MYO3B: variants seen among roughly 807,000 people sequenced by gnomAD.
MYO3B encodes myosin-IIIb.
MYO3B carries 156 observed loss-of-function variants against 174.6 expected under a neutral mutation model. The ratio of observed to expected loss-of-function variants is 0.89; its 90% CI spans 0.78 to 1.02. MYO3B has a LOEUF of 1.02. MYO3B is among the 50% of genes least tolerant of loss of function. The pLI is 0.00. For synonymous variants in MYO3B, 563 were observed against 569.1 expected (o/e 0.99, Z 0.15); for missense variants, 1,632 against 1,639.4 (o/e 1.00, Z 0.08).
At chr2:170,248,623 G>T (rs1341660507) in intron 7 of MYO3B, among the ~76,000 whole-genome samples, 1 of 152,136 alleles carries the variant, frequency 6.6e-6, no homozygotes, top group African/African-American at 2.4e-5. Context: ...TTCTTGACTT[G>T]TGGCTCCCTT....
intron 6 of MYO3B, among the ~76,000 whole-genome samples, chr2:170,221,966 C>T (rs186556883): frequency 2.6e-5 from 4 of 152,286 alleles, no homozygotes; most frequent in Admixed American, 2.0e-4. Context: ...AAAAATTTCA[C>T]ATGGAGACTA....
At chr2:170,637,756 A>C (rs193165602) in intron 32 of MYO3B, among the ~76,000 whole-genome samples, 201 of 152,318 alleles carry the variant, frequency 1.3e-3, no homozygotes, top group African/African-American at 4.5e-3. Flanking sequence ...GTGCTGCCCT[A>C]CTTGTACAAA....
At chr2:170,575,256 C>T (rs185689415) in intron 32 of MYO3B, among the ~76,000 whole-genome samples, 3 of 152,046 alleles carry the variant, frequency 2.0e-5, no homozygotes, top group African/African-American at 4.8e-5. Context: ...GGAAAGAAGT[C>T]GAAAATAAAG....
intron 7 of MYO3B, among the ~76,000 whole-genome samples, chr2:170,308,874 C>T (rs542180533): frequency 6.6e-6 from 1 of 151,996 alleles, no homozygotes; most frequent in Admixed American, 6.5e-5. Context: ...AGTCAGAGGC[C>T]AAGCAGAAAA....
chr2:170,264,783 G>A (rs1438926471), intron 7 of MYO3B, among the ~76,000 whole-genome samples: 1 of 152,174 alleles, frequency 6.6e-6, no homozygotes, highest in Non-Finnish European at 1.5e-5. Context: ...ATATTTGTTG[G>A]ATTTGACATT....
At chr2:170,650,570 G>A (rs1270421985) in intron 32 of MYO3B, among the ~76,000 whole-genome samples, 1 of 151,190 alleles carries the variant, frequency 6.6e-6, no homozygotes, top group Non-Finnish European at 1.5e-5. Flanking sequence ...GTCTGTGTGT[G>A]TGTTGCCAAG....
chr2:170,217,936 A>T (rs1357004611), intron 6 of MYO3B, among the ~76,000 whole-genome samples: 1 of 152,250 alleles, frequency 6.6e-6, no homozygotes, highest in East Asian at 1.9e-4. Flanking sequence ...TGACGCATGT[A>T]GAAGTTTGGG....
chr2:170,606,508 T>C (rs1694817388), intron 32 of MYO3B, among the ~76,000 whole-genome samples: 1 of 152,200 alleles, frequency 6.6e-6, no homozygotes, highest in Admixed American at 6.5e-5. Flanking sequence ...AACAATCTAT[T>C]CATTTCCTAG....
At chr2:170,578,202 A>T (rs1261361067) in intron 32 of MYO3B, among the ~76,000 whole-genome samples, 2 of 152,246 alleles carry the variant, frequency 1.3e-5, no homozygotes, top group East Asian at 3.8e-4. Context: ...GCCTGAGAAC[A>T]AGTGGGTTCT....
At position 170,301,800 on chromosome 2, in the gene MYO3B, G is replaced by A. The variant is rs990523771; in HGVS notation, c.750-33585G>A. 6.0e-5 allele frequency among the ~76,000 whole-genome samples: 9 copies of A among 149,588 alleles called. No individual in the cohort carries two copies. In the East Asian group the frequency reaches 1.8e-3, roughly 30 times the overall value. ...CCAGTATTTCATGGCCTTTTTTTGT[G>A]TAACAGTATGTGCAAGGTGAGAAAG... On this transcript the variant is annotated intron_variant, in intron 7 of 34. Coordinates refer to ENST00000408978, the MANE Select transcript of MYO3B (RefSeq NM_138995.5).
intron 32 of MYO3B, among the ~76,000 whole-genome samples, chr2:170,629,369 CCT>C (rs1446425845): frequency 6.6e-6 from 1 of 152,148 alleles, no homozygotes; most frequent in Non-Finnish European, 1.5e-5. Flanking sequence ...TTAGATCTTC[CCT>C]GTTATTTTTC....
chr2:170,633,034 C>G (rs1241439625), intron 32 of MYO3B, among the ~76,000 whole-genome samples: 2 of 152,144 alleles, frequency 1.3e-5, no homozygotes, highest in Non-Finnish European at 2.9e-5. Flanking sequence ...CCGAATTCTA[C>G]CAGAGGTACA....
chr2:170,236,106 A>G lies in MYO3B; in HGVS notation c.719A>G (p.His240Arg), dbSNP rs1277690530. 3 of 1,614,162 alleles carry G rather than the reference A, an allele frequency of 1.9e-6. No individual in the cohort carries two copies. The highest frequency in any genetic ancestry group is 2.5e-6 in the Non-Finnish European group (3 of 1,180,028). Residue 240 changes from histidine (H) to arginine (R), a missense_variant, in exon 7 of 35, where the codon CAT becomes CGT. His to Arg is a conservative substitution (Grantham distance 29). Transcript: ENST00000408978. ...GDGDPPLFDMHPVKTLFKIPR... is the reference protein window; with the variant it reads ...GDGDPPLFDMRPVKTLFKIPR... ...GGAGACCCTCCCCTCTTTGACATGC[A>G]TCCTGTGAAAACACTCTTTAAGATT...
At chr2:170,482,905 G>A (rs1685788181) in intron 25 of MYO3B, among the ~76,000 whole-genome samples, 1 of 152,224 alleles carries the variant, frequency 6.6e-6, no homozygotes. Context: ...GTTCAAATTG[G>A]CATTGTGGGC....
rs139597315 is a variant in MYO3B, at chr2:170,575,875, C to T, written c.3733+31887C>T. ...GCAGGGACAGGTTTTGAACAGAAAA[C>T]CCCTTTCTCCCATTCGTATTGCCTC... On this transcript the variant is annotated intron_variant, in intron 32 of 34. Coordinates refer to ENST00000408978, the MANE Select transcript of MYO3B (RefSeq NM_138995.5). 6.6e-5 allele frequency among the ~76,000 whole-genome samples: 10 copies of T among 152,232 alleles called. No homozygotes were observed. In the East Asian group the frequency reaches 1.9e-3, roughly 29 times the overall value.
At chr2:170,608,485 T>A (rs1227694453) in intron 32 of MYO3B, among the ~76,000 whole-genome samples, 2 of 152,214 alleles carry the variant, frequency 1.3e-5, no homozygotes, top group African/African-American at 4.8e-5. Context: ...TTCCCATTAA[T>A]GATAAACAGC....
Position 170,410,247 on chromosome 2 carries a change from A to G in MYO3B, c.2650+2403A>G, listed in dbSNP as rs114160105. Among the ~76,000 whole-genome samples the G allele has an allele frequency of 1.3e-3, 191 of 152,280 alleles. 2 individuals are homozygous for G. Among genetic ancestry groups the G allele is most frequent in the African/African-American group, 4.4e-3 (181 of 41,568 alleles). On this transcript the variant is annotated intron_variant, in intron 22 of 34. Coordinates refer to ENST00000408978, the MANE Select transcript of MYO3B (RefSeq NM_138995.5). The stretch of plus-strand genomic sequence containing the variant: ...TTACTTTACAAACCTCTTTTGAGGA[A>G]TGAACTACAGGGAGGAAGGAAAAAG...
intron 1 of MYO3B, among the ~76,000 whole-genome samples, chr2:170,193,146 C>G (rs1186072473): frequency 6.6e-6 from 1 of 151,678 alleles, no homozygotes; most frequent in African/African-American, 2.4e-5. Flanking sequence ...TAAGTTTATG[C>G]TTTTATGAAT....
At chr2:170,420,525 G>A (rs1251447106) in intron 22 of MYO3B, among the ~76,000 whole-genome samples, 2 of 152,174 alleles carry the variant, frequency 1.3e-5, no homozygotes, top group Non-Finnish European at 2.9e-5. Flanking sequence ...TCCAGCACCA[G>A]CCTGGAGTGG....
Sources: allele counts gnomAD v4.1 joint callset (sites outside exome capture counted in the v4.1 genomes callset), GRCh38; gene constraint gnomAD v4.1.1; transcripts MANE v1.5; gene names NCBI Gene and HGNC (gene_info 2026-07-23, HGNC 2026-07-21).